CTNND2: variants seen among roughly 807,000 people sequenced by gnomAD.
The protein encoded by CTNND2 is catenin delta 2.
CTNND2 carries 22 observed loss-of-function variants against 144.4 expected under a neutral mutation model. The ratio of observed to expected loss-of-function variants is 0.15; its 90% CI spans 0.11 to 0.22. The LOEUF (loss-of-function observed/expected upper bound fraction) is 0.22. Among genes scored for constraint, CTNND2 ranks in the 10% least tolerant of loss-of-function variants. The pLI is 1.00. For missense variants in CTNND2, 1,353 were observed against 1,618.8 expected (o/e 0.84, Z 2.82); for synonymous variants, 751 against 695.6 (o/e 1.08, Z -1.25).
intron 10 of CTNND2, among the ~76,000 whole-genome samples, chr5:11,207,877 C>T (rs2149840648): frequency 6.6e-6 from 1 of 151,722 alleles, no homozygotes; most frequent in East Asian, 1.9e-4. Flanking sequence ...GTGTGATGGT[C>T]AATAGAGTAA....
At chr5:11,247,636 A>C (rs996316462) in intron 9 of CTNND2, among the ~76,000 whole-genome samples, 2 of 152,238 alleles carry the variant, frequency 1.3e-5, no homozygotes, top group African/African-American at 4.8e-5. Context: ...TTCTTCTCTG[A>C]ATTCAATTTA....
At chr5:11,277,526 A>G (rs551026443) in intron 9 of CTNND2, among the ~76,000 whole-genome samples, 1 of 148,928 alleles carries the variant, frequency 6.7e-6, no homozygotes, top group South Asian at 2.1e-4. Flanking sequence ...TTATTTATTT[A>G]TTTATTTATT....
chr5:11,612,286 G>A lies in CTNND2; in HGVS notation c.175-47230C>T, dbSNP rs182095850. Among the ~76,000 whole-genome samples the A allele has an allele frequency of 8.3e-4, 126 of 152,310 alleles. 1 individual carries two copies. Among genetic ancestry groups the A allele is most frequent in the Admixed American group, 1.8e-3 (28 of 15,308 alleles). ...GCTTAATTATAATTCCTATCAGTAA[G>A]TCATTACTCATGCCTTCTGACTTGG... is the stretch of plus-strand genomic sequence containing the variant. On this transcript the variant is annotated intron_variant, in intron 2 of 21. Coordinates refer to ENST00000304623, the MANE Select transcript of CTNND2 (RefSeq NM_001332.4).
intron 3 of CTNND2, among the ~76,000 whole-genome samples, chr5:11,475,114 T>C (rs1054667464): frequency 2.0e-5 from 3 of 152,236 alleles, no homozygotes; most frequent in Non-Finnish European, 2.9e-5. Context: ...ATTCTCTTCA[T>C]ACTGCAGGCA....
chr5:11,796,654 G>A (rs1791418895), intron 1 of CTNND2, among the ~76,000 whole-genome samples: 1 of 152,058 alleles, frequency 6.6e-6, no homozygotes, highest in African/African-American at 2.4e-5. Flanking sequence ...AGCCCAATCT[G>A]TTTTTTGAAA....
chr5:11,352,696 AT>A, intron 8 of CTNND2, among the ~76,000 whole-genome samples: 2 of 152,306 alleles, frequency 1.3e-5, no homozygotes, highest in Middle Eastern at 3.4e-3. Context: ...TGTAAGTACA[AT>A]TTTTAAAAAT....
intron 1 of CTNND2, among the ~76,000 whole-genome samples, chr5:11,858,672 GT>G: frequency 6.6e-6 from 1 of 152,286 alleles, no homozygotes; most frequent in African/African-American, 2.4e-5. Flanking sequence ...GCTCACGCCT[GT>G]TAATCCCAGC....
intron 1 of CTNND2, among the ~76,000 whole-genome samples, chr5:11,843,339 C>T (rs1374787554): frequency 1.3e-5 from 2 of 152,126 alleles, no homozygotes; most frequent in Non-Finnish European, 2.9e-5. Flanking sequence ...CAGGCAAGAA[C>T]ATCATCAGAG....
chr5:11,084,524 A>T (rs1472596434), intron 15 of CTNND2, among the ~76,000 whole-genome samples: 2 of 152,238 alleles, frequency 1.3e-5, no homozygotes, highest in East Asian at 3.8e-4. Flanking sequence ...GTGTGGGGTC[A>T]ACAATGACAT....
At chr5:11,746,788 C>T (rs1329612061) in intron 1 of CTNND2, among the ~76,000 whole-genome samples, 1 of 152,040 alleles carries the variant, frequency 6.6e-6, no homozygotes, top group Non-Finnish European at 1.5e-5. Context: ...TTGAATAAGT[C>T]AAAATGAAAG....
chr5:11,734,298 T>G (rs1170166689), intron 1 of CTNND2, among the ~76,000 whole-genome samples: 1 of 152,182 alleles, frequency 6.6e-6, no homozygotes, highest in Non-Finnish European at 1.5e-5. Flanking sequence ...GTGATATGGT[T>G]TGACTATGTT....
intron 1 of CTNND2, among the ~76,000 whole-genome samples, chr5:11,879,073 G>A (rs1171285948): frequency 1.3e-5 from 2 of 152,032 alleles, no homozygotes; most frequent in East Asian, 3.9e-4. Flanking sequence ...AGTACCCCAC[G>A]GAAGAGAAAG....
At chr5:11,082,980 G>T (rs1401821975) in intron 15 of CTNND2, 134 bp from the exon 16 acceptor site, 8 of 950,898 alleles carry the variant, frequency 8.4e-6, no homozygotes, top group Non-Finnish European at 1.2e-5. Flanking sequence ...TGTAGAATGG[G>T]TTGAATACGT....
intron 2 of CTNND2, among the ~76,000 whole-genome samples, chr5:11,622,850 T>C (rs1780922727): frequency 6.6e-6 from 1 of 152,174 alleles, no homozygotes; most frequent in Admixed American, 6.6e-5. Context: ...TCATTCACAT[T>C]AATTTCAGAA....
intron 18 of CTNND2, among the ~76,000 whole-genome samples, chr5:11,005,529 G>T (rs1740398699): frequency 6.6e-6 from 1 of 152,176 alleles, no homozygotes; most frequent in African/African-American, 2.4e-5. Context: ...AGACATAGTT[G>T]GGTATGGGAG....
chr5:11,616,403 C>T (rs917031361), intron 2 of CTNND2, among the ~76,000 whole-genome samples: 1 of 152,180 alleles, frequency 6.6e-6, no homozygotes, highest in Non-Finnish European at 1.5e-5. Flanking sequence ...CCAATAGTTT[C>T]CTATTTACTT....
intron 11 of CTNND2, among the ~76,000 whole-genome samples, chr5:11,192,270 T>G (rs1277728003): frequency 6.6e-6 from 1 of 152,202 alleles, no homozygotes; most frequent in Non-Finnish European, 1.5e-5. Flanking sequence ...AGTCCACAGA[T>G]GATGGACTCT....
At chr5:11,531,863 A>G (rs914475806) in intron 3 of CTNND2, among the ~76,000 whole-genome samples, 19 of 152,326 alleles carry the variant, frequency 1.2e-4, no homozygotes, top group Non-Finnish European at 2.6e-4. Context: ...ATTACAATTA[A>G]TACCACATAA....
At chr5:11,721,587 G>T (rs1449802523) in intron 2 of CTNND2, among the ~76,000 whole-genome samples, 1 of 152,182 alleles carries the variant, frequency 6.6e-6, no homozygotes, top group East Asian at 1.9e-4. Context: ...AGGACAGATG[G>T]CCTCTGCTTC....
Sources: gnomAD v4.1 joint callset for allele counts (sites outside exome capture counted in the v4.1 genomes callset) on GRCh38, gnomAD v4.1.1 for gene constraint, MANE v1.5 for transcripts, NCBI Gene and HGNC (gene_info 2026-07-23, HGNC 2026-07-21) for gene names.